PCDHGA2: variants seen among roughly 807,000 people sequenced by gnomAD.
PCDHGA2 encodes protocadherin gamma subfamily A, 2, also known as protocadherin gamma-A2.
A neutral mutation model predicts 59.2 loss-of-function variants in PCDHGA2; 40 were observed. That is an observed-to-expected ratio of 0.68 (90% CI 0.52 to 0.88). The LOEUF is 0.88. Among genes scored for constraint, PCDHGA2 ranks in the 40% least tolerant of loss-of-function variants. The pLI is 0.00. For synonymous variants in PCDHGA2, 560 were observed against 526.0 expected (o/e 1.06, Z -0.89); for missense variants, 1,226 against 1,204.0 (o/e 1.02, Z -0.27).
chr5:141,389,270 C>A, intron 1 of PCDHGA2: 1 of 1,614,004 alleles, frequency 6.2e-7, no homozygotes, highest in Non-Finnish European at 8.5e-7. Flanking sequence ...TGGCCGAGAA[C>A]AACCCGCCTG....
intron 1 of PCDHGA2, chr5:141,388,667 G>A (rs1561620639): frequency 1.2e-6 from 2 of 1,613,918 alleles, no homozygotes; most frequent in Non-Finnish European, 8.5e-7. Flanking sequence ...GGACCACGGT[G>A]CTACAGGTGA....
chr5:141,344,062 G>T, intron 1 of PCDHGA2: 3 of 1,572,912 alleles, frequency 1.9e-6, no homozygotes, highest in Non-Finnish European at 2.6e-6. Context: ...TTCCGAAATG[G>T]CAGAGGACTG....
rs779173739 is a variant in PCDHGA2 at position 141,340,991 on chromosome 5, G to T, written c.2020G>T (p.Asp674Tyr). Residue 674 changes from aspartate (D) to tyrosine (Y), a missense_variant, in exon 1 of 4, where the codon GAC (aspartate) becomes TAC (tyrosine). Coordinates refer to ENST00000394576, the MANE Select transcript of PCDHGA2 (RefSeq NM_018915.4). Reference sequence around the variant, plus strand: ...CGACAGGATCCCCGACATCCTGGCCGACCTGGGCAGCCTCGAGCCCTCCGC... The same window carrying T: ...CGACAGGATCCCCGACATCCTGGCCTACCTGGGCAGCCTCGAGCCCTCCGC... ...VADRIPDILA[D>Y]LGSLEPSAIP... is the part of the protein sequence containing the mutation. 1.2e-5 allele frequency: 20 copies of T among 1,613,996 alleles called. No homozygotes were observed. In the South Asian group the frequency reaches 2.1e-4, roughly 17 times the overall value.
At chr5:141,372,217 T>C (rs1267940459) in intron 1 of PCDHGA2, 1 of 1,613,446 alleles carries the variant, frequency 6.2e-7, no homozygotes, top group African/African-American at 1.3e-5. Context: ...TCCTACCACA[T>C]TGTGCAGGCC....
chr5:141,422,382 T>C (rs1390444026), intron 1 of PCDHGA2: 5 of 1,585,154 alleles, frequency 3.2e-6, no homozygotes, highest in Admixed American at 1.8e-5. Context: ...AAGTCTCCTG[T>C]TTTATTCCTA....
intron 1 of PCDHGA2, chr5:141,418,389 AT>A (rs1429903562): frequency 5.6e-6 from 9 of 1,613,878 alleles, no homozygotes; most frequent in Non-Finnish European, 6.8e-6. Flanking sequence ...CCTAACGAGT[AT>A]TTCTCATTGG....
chr5:141,370,717 T>C, intron 1 of PCDHGA2: 4 of 1,613,822 alleles, frequency 2.5e-6, no homozygotes, highest in Non-Finnish European at 3.4e-6. Flanking sequence ...GAATTTGAAA[T>C]GGTTGCTGAA....
intron 1 of PCDHGA2, chr5:141,341,713 C>G (rs901955740): frequency 2.0e-6 from 1 of 494,990 alleles, no homozygotes; most frequent in African/African-American, 1.9e-5. Flanking sequence ...TCTCATCCAC[C>G]CAGATCAACA....
intron 1 of PCDHGA2, among the ~76,000 whole-genome samples, chr5:141,447,993 T>A (rs2098557542): frequency 6.6e-6 from 1 of 151,554 alleles, no homozygotes; most frequent in Non-Finnish European, 1.5e-5. Context: ...GGCTGAGGCA[T>A]GAGAATCGCT....
chr5:141,354,739 T>G (rs1409989426), intron 1 of PCDHGA2, among the ~76,000 whole-genome samples: 1 of 152,248 alleles, frequency 6.6e-6, no homozygotes, highest in East Asian at 1.9e-4. Flanking sequence ...ATGTGAAAAC[T>G]GAAAAGAGGA....
intron 1 of PCDHGA2, chr5:141,383,856 T>C (rs1307177086): frequency 6.2e-7 from 1 of 1,613,964 alleles, no homozygotes; most frequent in Admixed American, 1.7e-5. Flanking sequence ...AAATGGAGGT[T>C]CAGGCTCAAG....
In PCDHGA2 at chr5:141,360,958, G is replaced by A. The variant is rs1761818073; in HGVS notation, c.2424+19563G>A. 3.1e-6 allele frequency: 5 copies of A among 1,613,878 alleles called. No homozygotes were observed. In the African/African-American group the frequency reaches 5.3e-5, roughly 17 times the overall value. ...CACCGACCGGGATGAAGGCATAAAC[G>A]CAGAGATCACCTACTCCTTTCATAA... On this transcript the variant is annotated intron_variant, in intron 1 of 3. Transcript: ENST00000394576.
intron 1 of PCDHGA2, among the ~76,000 whole-genome samples, chr5:141,439,635 C>T (rs1326926948): frequency 3.3e-5 from 5 of 152,274 alleles, no homozygotes; most frequent in Middle Eastern, 3.4e-3. Context: ...CCAGACATTC[C>T]GGCTTGGTGG....
rs554670088 is a variant in PCDHGA2 at position 141,391,069 on chromosome 5, T to C, written c.2424+49674T>C. The C allele has an allele frequency of 4.1e-4, 63 of 152,324 alleles. 1 individual carries two copies. Among genetic ancestry groups the C allele is most frequent in the African/African-American group, 1.4e-3 (59 of 41,576 alleles). The allele number at this position is 152,324 out of a possible 1,614,324, so 9.4% of individuals were successfully genotyped here. A position where few individuals can be genotyped will look rare whatever the true frequency, so the allele number is the denominator to read the frequency against. ...GTCCCTCTCACACACAGCCCTAATA[T>C]ATAATGTGTAACTGCCTTATCTGCA... On this transcript the variant is annotated intron_variant, in intron 1 of 3. Transcript: ENST00000394576.
chr5:141,465,777 C>G (rs2099109055), intron 1 of PCDHGA2, among the ~76,000 whole-genome samples: 2 of 151,768 alleles, frequency 1.3e-5, no homozygotes, highest in African/African-American at 2.4e-5. Flanking sequence ...TCTCTTGTTA[C>G]AGTTTTTTTT....
chr5:141,346,336 T>C, intron 1 of PCDHGA2: 1 of 1,614,222 alleles, frequency 6.2e-7, no homozygotes, highest in Non-Finnish European at 8.5e-7. Flanking sequence ...AAGAGCCACC[T>C]GATTTTCCCC....
At chr5:141,422,503 A>G (rs2096653107) in intron 1 of PCDHGA2, 2 of 1,613,924 alleles carry the variant, frequency 1.2e-6, no homozygotes, top group Non-Finnish European at 1.7e-6. Context: ...GTTGACAGCC[A>G]CAGACCAGGG....
chr5:141,340,149 A>T lies in PCDHGA2; in HGVS notation c.1178A>T (p.Lys393Met), dbSNP rs1167785580. 1 of 1,614,186 alleles carries T rather than the reference A, an allele frequency of 6.2e-7. No homozygotes were observed. Among genetic ancestry groups the T allele is most frequent in the Admixed American group, 1.7e-5 (1 of 60,036 alleles). Residue 393 changes from lysine to methionine, a missense_variant, in exon 1 of 4, where the codon AAG becomes ATG. Physicochemically the swap from Lys to Met is moderately conservative, Grantham distance 95. Transcript: ENST00000394576. Reference protein sequence around the residue: ...TCSLPEDLPFKLEKSVDNYYR... With the variant: ...TCSLPEDLPFMLEKSVDNYYR... ...TCACTCCCCGAGGATCTTCCTTTTA[A>T]GTTAGAAAAGTCAGTAGACAATTAC...
At chr5:141,419,174 A>G (rs1283454889) in intron 1 of PCDHGA2, 1 of 1,613,840 alleles carries the variant, frequency 6.2e-7, no homozygotes, top group East Asian at 2.2e-5. Flanking sequence ...CAAAACCATA[A>G]CCCTGCACAT....
Sources: gnomAD v4.1 joint callset for allele counts (sites outside exome capture counted in the v4.1 genomes callset) on GRCh38, gnomAD v4.1.1 for gene constraint, MANE v1.5 for transcripts, NCBI Gene and HGNC (gene_info 2026-07-23, HGNC 2026-07-21) for gene names.